BAIAP2L1: variants seen among roughly 807,000 people sequenced by gnomAD.
BAIAP2L1 encodes BAR/IMD domain containing adaptor protein 2 like 1, also known as BAR/IMD domain-containing adapter protein 2-like 1.
In BAIAP2L1, 35 loss-of-function variants were observed where a neutral mutation model predicts 66.3. The ratio of observed to expected loss-of-function variants is 0.53; its 90% CI spans 0.40 to 0.70. BAIAP2L1 has a LOEUF of 0.70. Ranked by LOEUF, BAIAP2L1 falls within the 30% of genes least tolerant of loss-of-function variation. The pLI is 0.00. For synonymous variants in BAIAP2L1, 269 were observed against 248.7 expected, an observed-to-expected ratio of 1.08 and a Z score of -0.77; for missense variants, 622 against 656.9, an observed-to-expected ratio of 0.95 and a Z score of 0.58.
rs1801879145 is a variant in BAIAP2L1 at position 98,346,721 on chromosome 7, T to TA, written c.214+8320dup. ...GCGTTGCCTCCTTGTCTCCCAGTGATAACCCAGGCGATGTTACAAAAATGA... is the reference window on the plus strand; with the variant it reads ...GCGTTGCCTCCTTGTCTCCCAGTGATAAACCCAGGCGATGTTACAAAAATGA... On this transcript the variant is annotated intron_variant, in intron 3 of 13. Transcript: ENST00000005260. 2.0e-5 allele frequency among the ~76,000 whole-genome samples: 3 copies of TA among 152,274 alleles called. No individual in the cohort carries two copies. In the East Asian group the frequency reaches 5.8e-4, roughly 29 times the overall value.
At chr7:98,338,253 T>C (rs1801657340) in intron 3 of BAIAP2L1, among the ~76,000 whole-genome samples, 1 of 151,786 alleles carries the variant, frequency 6.6e-6, no homozygotes, top group Admixed American at 6.6e-5. Context: ...AACCCGTCTC[T>C]ACTAAAAATA....
intron 3 of BAIAP2L1, among the ~76,000 whole-genome samples, chr7:98,349,017 A>G (rs1584475679): frequency 6.6e-6 from 1 of 152,202 alleles, no homozygotes; most frequent in Non-Finnish European, 1.5e-5. Context: ...GAGCTCTGCA[A>G]CCCAGGCAGC....
intron 3 of BAIAP2L1, among the ~76,000 whole-genome samples, chr7:98,340,873 C>T (rs2115631579): frequency 6.6e-6 from 1 of 150,836 alleles, no homozygotes; most frequent in South Asian, 2.1e-4. Flanking sequence ...CAGCTCACCT[C>T]CGCCTCCTGG....
In BAIAP2L1 at chr7:98,337,017, CT is replaced by C. The variant is rs1801631049; in HGVS notation, c.215-16720del. Among the ~76,000 whole-genome samples the C allele has an allele frequency of 4.6e-5, 7 of 152,284 alleles. No homozygotes were observed. The South Asian group carries it at 1.2e-3, about 27-fold the overall frequency. On this transcript the variant is annotated intron_variant, in intron 3 of 13. Transcript: ENST00000005260. Reference sequence around the variant, plus strand: ...TAATCTCTCTTACCTGAGAGGACTGCTGTGAAAACTAAATGAGACTCCTGAA... The same window carrying C: ...TAATCTCTCTTACCTGAGAGGACTGCGTGAAAACTAAATGAGACTCCTGAA...
Position 98,353,596 on chromosome 7 carries a change from T to C in BAIAP2L1, c.214+1446A>G, listed in dbSNP as rs1038984435. On this transcript the variant is annotated intron_variant, in intron 3 of 13. Coordinates refer to ENST00000005260, the MANE Select transcript of BAIAP2L1 (RefSeq NM_018842.5). Reference sequence around the variant, plus strand: ...TTATAAATACATATATATTTATATATGTATATTATATGTATATTTATAATA... The same window carrying C: ...TTATAAATACATATATATTTATATACGTATATTATATGTATATTTATAATA... Among the ~76,000 whole-genome samples the C allele has an allele frequency of 2.2e-5, 3 of 137,152 alleles. No individual in the cohort carries two copies. In the Admixed American group the frequency reaches 2.4e-4, roughly 11 times the overall value. The allele number at this position is 137,152 out of a possible 152,430, so 90.0% of individuals were successfully genotyped here.
chr7:98,399,889 C>T (rs994796405), intron 1 of BAIAP2L1: 9 of 152,264 alleles, frequency 5.9e-5, no homozygotes, highest in African/African-American at 2.2e-4. Context: ...CCAAATAACC[C>T]ATATATAAAA....
Position 98,293,475 on chromosome 7 carries a change from CG to C in BAIAP2L1, c.*45del, listed in dbSNP as rs1562961024. The C allele has an allele frequency of 6.4e-7, 1 of 1,568,946 alleles. No individual in the cohort carries two copies. Among genetic ancestry groups the C allele is most frequent in the Non-Finnish European group, 8.8e-7 (1 of 1,140,748 alleles). ...GGCAGACAGGATGCGCCCATCATTC[CG>C]CAAGGGAGAACCGGAGAGGCCCGGG... On this transcript the variant is annotated 3_prime_UTR_variant, in exon 14 of 14. Transcript: ENST00000005260.
intron 3 of BAIAP2L1, among the ~76,000 whole-genome samples, chr7:98,336,892 C>A (rs1385530895): frequency 6.6e-6 from 1 of 152,032 alleles, no homozygotes; most frequent in Non-Finnish European, 1.5e-5. Flanking sequence ...GAATTTAAAC[C>A]CCAGCTTTGC....
Position 98,315,597 on chromosome 7 carries a change from T to G in BAIAP2L1, c.502A>C (p.Thr168Pro). ...HKEIEYVETVTSRQSEIQKFI... is the reference protein window; with the variant it reads ...HKEIEYVETVPSRQSEIQKFI... ...TTCTGGATTTCACTCTGACGAGAAG[T>G]AACGGTCTCCACATACTAAAAAAAA... The change falls in exon 7 of 14, where the codon ACT becomes CCT. Residue 168 changes from threonine to proline, a missense_variant. Transcript: ENST00000005260. The G allele has an allele frequency of 1.4e-6, 2 of 1,438,684 alleles. No homozygotes were observed. The highest frequency in any genetic ancestry group is 1.8e-6 in the Non-Finnish European group (2 of 1,085,080). 89.1% of individuals were successfully genotyped at this position (1,438,684 alleles called of 1,614,324 possible).
At chr7:98,310,887 T>C (rs1373001995) in intron 8 of BAIAP2L1, among the ~76,000 whole-genome samples, 21 of 151,986 alleles carry the variant, frequency 1.4e-4, no homozygotes, top group Non-Finnish European at 5.9e-5. Flanking sequence ...GGTTTCACCA[T>C]GTTAGCCAGG....
At chr7:98,301,762 C>G (rs953944009) in intron 12 of BAIAP2L1, among the ~76,000 whole-genome samples, 2 of 152,092 alleles carry the variant, frequency 1.3e-5, no homozygotes, top group Non-Finnish European at 2.9e-5. Flanking sequence ...CCTGTGGAGG[C>G]AGCCGGGGAC....
intron 1 of BAIAP2L1, among the ~76,000 whole-genome samples, chr7:98,372,662 T>C (rs934974139): frequency 5.9e-5 from 9 of 151,530 alleles, no homozygotes; most frequent in African/African-American, 1.9e-4. Flanking sequence ...CCAATCAAGG[T>C]ACATGCTAAT....
intron 1 of BAIAP2L1, among the ~76,000 whole-genome samples, chr7:98,389,918 A>ATTTTTTTTTTTTTTT (rs750099451): frequency 2.1e-4 from 27 of 129,786 alleles, no homozygotes; most frequent in Non-Finnish European, 2.6e-4. Flanking sequence ...GGGTTAGTAA[A>ATTTTTTTTTTTTTTT]TTTTTTTTTT....
At chr7:98,380,882 A>G (rs1220936199) in intron 1 of BAIAP2L1, among the ~76,000 whole-genome samples, 1 of 147,186 alleles carries the variant, frequency 6.8e-6, no homozygotes, top group African/African-American at 2.5e-5. Context: ...CTAAATCCCT[A>G]ATGTTATGGA....
At chr7:98,340,445 T>G (rs1413119466) in intron 3 of BAIAP2L1, among the ~76,000 whole-genome samples, 3 of 151,360 alleles carry the variant, frequency 2.0e-5, no homozygotes, top group Non-Finnish European at 4.4e-5. Flanking sequence ...CCGCCACCAC[T>G]CCCGGCTAAT....
intron 3 of BAIAP2L1, among the ~76,000 whole-genome samples, chr7:98,322,646 C>G (rs538186915): frequency 6.6e-6 from 1 of 152,114 alleles, no homozygotes; most frequent in African/African-American, 2.4e-5. Context: ...CCAGAGATGG[C>G]GGAGGATTCT....
At chr7:98,382,114 G>A (rs1802773764) in intron 1 of BAIAP2L1, among the ~76,000 whole-genome samples, 1 of 151,836 alleles carries the variant, frequency 6.6e-6, no homozygotes. Flanking sequence ...AGTAGAGAGG[G>A]AGTTTCACCG....
At chr7:98,328,669 G>A (rs1801427554) in intron 3 of BAIAP2L1, among the ~76,000 whole-genome samples, 1 of 122,934 alleles carries the variant, frequency 8.1e-6, no homozygotes, top group African/African-American at 3.2e-5. Flanking sequence ...AACATAGCAA[G>A]ATCCCATCTC....
At chr7:98,364,104 T>C (rs747909585) in intron 1 of BAIAP2L1, among the ~76,000 whole-genome samples, 6 of 152,102 alleles carry the variant, frequency 3.9e-5, no homozygotes, top group East Asian at 1.9e-4. Flanking sequence ...CAGGTCTCTA[T>C]ACCTCTCACT....
Sources: allele counts gnomAD v4.1 joint callset (sites outside exome capture counted in the v4.1 genomes callset), GRCh38; gene constraint gnomAD v4.1.1; transcripts MANE v1.5; gene names NCBI Gene and HGNC (gene_info 2026-07-23, HGNC 2026-07-21).